TRDN: variants seen among roughly 807,000 people sequenced by gnomAD.
TRDN encodes triadin.
Under a neutral mutation model 149.7 loss-of-function variants are expected in TRDN, and 161 were observed. That is an observed-to-expected ratio of 1.08 (90% CI 0.95 to 1.23). TRDN has a LOEUF of 1.23. Ranked by LOEUF, TRDN falls within the 50% of genes most tolerant of loss-of-function variation. The probability of loss-of-function intolerance (pLI) is 0.00; values close to 1 mark genes in which losing one functional copy is unlikely to be tolerated. For synonymous variants in TRDN, 294 were observed against 250.5 expected (o/e 1.17, Z -1.64); for missense variants, 896 against 823.5 (o/e 1.09, Z -1.08).
chr6:123,361,688 A>C (rs557094165), intron 20 of TRDN, among the ~76,000 whole-genome samples: 16 of 152,208 alleles, frequency 1.1e-4, no homozygotes, highest in African/African-American at 3.9e-4. Context: ...ACTCCCCTGA[A>C]AATTCTGTAT....
rs530053776 is a variant in TRDN, at chr6:123,394,190, A to G, written c.1052-513T>C. On this transcript the variant is annotated intron_variant, in intron 12 of 40. Transcript: ENST00000334268. Reference sequence around the variant, plus strand: ...CTATTAGTGTGGCCCTGGGCAAAATATATCCGAGAGAATGAGCAAGCTTCA... The same window carrying G: ...CTATTAGTGTGGCCCTGGGCAAAATGTATCCGAGAGAATGAGCAAGCTTCA... Among the ~76,000 whole-genome samples the G allele has an allele frequency of 3.3e-5, 5 of 152,216 alleles. No homozygotes were observed. The East Asian group carries it at 9.6e-4, about 29-fold the overall frequency.
chr6:123,459,074 C>T (rs551760578), intron 10 of TRDN, among the ~76,000 whole-genome samples: 19 of 152,202 alleles, frequency 1.2e-4, no homozygotes, highest in Admixed American at 9.8e-4. Flanking sequence ...CCAAGAAATG[C>T]TGTGCCAGGG....
intron 19 of TRDN, among the ~76,000 whole-genome samples, chr6:123,370,265 A>G (rs1337160658): frequency 6.6e-6 from 1 of 152,018 alleles, no homozygotes; most frequent in African/African-American, 2.4e-5. Flanking sequence ...TTATTTTTCT[A>G]TATGGGTTTT....
intron 39 of TRDN, among the ~76,000 whole-genome samples, chr6:123,223,039 CTGTT>C (rs1459434215): frequency 6.6e-6 from 1 of 151,802 alleles, no homozygotes; most frequent in Non-Finnish European, 1.5e-5. Context: ...CACTTGTAGA[CTGTT>C]GGTGGGTGTG....
At chr6:123,498,907 T>C (rs183893806) in intron 8 of TRDN, among the ~76,000 whole-genome samples, 64 of 152,250 alleles carry the variant, frequency 4.2e-4, no homozygotes, top group Non-Finnish European at 7.6e-4. Context: ...TAGGAGTAGT[T>C]CTCAAAGGGC....
intron 20 of TRDN, among the ~76,000 whole-genome samples, chr6:123,364,214 A>G (rs960544730): frequency 2.0e-5 from 3 of 152,196 alleles, no homozygotes; most frequent in African/African-American, 7.2e-5. Context: ...TTTTCTTCTA[A>G]CAATATCCAG....
intron 10 of TRDN, among the ~76,000 whole-genome samples, chr6:123,444,295 G>A (rs1180998928): frequency 2.7e-4 from 31 of 115,712 alleles, no homozygotes; most frequent in East Asian, 9.7e-4. Context: ...GTGAATGGGA[G>A]TTCACTCATG....
At chr6:123,291,204 T>C (rs1777998818) in intron 24 of TRDN, among the ~76,000 whole-genome samples, 1 of 151,968 alleles carries the variant, frequency 6.6e-6, no homozygotes, top group Admixed American at 6.6e-5. Context: ...AAAGAGTAAT[T>C]TTATATGAAG....
intron 10 of TRDN, chr6:123,441,004 A>G (rs1159290553): frequency 6.6e-6 from 1 of 152,132 alleles, no homozygotes; most frequent in Non-Finnish European, 1.5e-5. Flanking sequence ...ATGCAGATTA[A>G]TGTCCTTTAA....
chr6:123,612,242 GA>G (rs35184623), intron 1 of TRDN, among the ~76,000 whole-genome samples: 67 of 94,710 alleles, frequency 7.1e-4, no homozygotes, highest in African/African-American at 2.3e-3. Context: ...TAAAAATACA[GA>G]AAAAAAAAAG....
At position 123,538,251 on chromosome 6, in the gene TRDN, A is replaced by C. The variant is rs1780648937; in HGVS notation, c.425-7686T>G. Among the ~76,000 whole-genome samples, 5 of 152,280 alleles carry C rather than the reference A, an allele frequency of 3.3e-5. No individual in the cohort carries two copies. The South Asian group carries it at 1.0e-3, about 32-fold the overall frequency. ...TATTAAAAAAACAAATTATTTATTC[A>C]CTTAAACATAGAATCTTTATAAGAA... On this transcript the variant is annotated intron_variant, in intron 4 of 40. Coordinates refer to ENST00000334268, the MANE Select transcript of TRDN (RefSeq NM_006073.4).
rs568463044 is a variant in TRDN, at chr6:123,588,258, T to C, written c.23-17126A>G. Among the ~76,000 whole-genome samples the C allele has an allele frequency of 2.6e-5, 4 of 152,300 alleles. No individual in the cohort carries two copies. In the South Asian group the frequency reaches 6.2e-4, roughly 24 times the overall value. On this transcript the variant is annotated intron_variant, in intron 1 of 40. Coordinates refer to ENST00000334268, the MANE Select transcript of TRDN (RefSeq NM_006073.4). ...TGGGGTACAATATTTTTATTTCTTG[T>C]AGGGTCTGCTATCTGTCACATGATG...
At chr6:123,455,608 T>C (rs1321840935) in intron 10 of TRDN, among the ~76,000 whole-genome samples, 2 of 152,208 alleles carry the variant, frequency 1.3e-5, no homozygotes, top group African/African-American at 4.8e-5. Context: ...CATGCACTTA[T>C]CTCTTTAGAT....
intron 9 of TRDN, among the ~76,000 whole-genome samples, chr6:123,480,885 G>T (rs1777719325): frequency 6.6e-6 from 1 of 152,010 alleles, no homozygotes; most frequent in Non-Finnish European, 1.5e-5. Context: ...CTACTAAAAA[G>T]GTTATTGACA....
At chr6:123,449,159 G>C in intron 10 of TRDN, among the ~76,000 whole-genome samples, 1 of 152,026 alleles carries the variant, frequency 6.6e-6, no homozygotes, top group East Asian at 1.9e-4. Context: ...GACAAAACAA[G>C]GCTTCTCAGC....
chr6:123,474,913 C>T (rs111839490), intron 9 of TRDN, among the ~76,000 whole-genome samples: 6,026 of 151,948 alleles, frequency 0.04, 351 homozygotes, highest in African/African-American at 0.12. Flanking sequence ...ATCTCTGGGA[C>T]GCATTCAAAG....
intron 12 of TRDN, among the ~76,000 whole-genome samples, chr6:123,407,019 C>T (rs1310251649): frequency 1.3e-5 from 2 of 151,756 alleles, no homozygotes; most frequent in South Asian, 2.1e-4. Context: ...CTGAGAGGGC[C>T]CAAGCTTAGG....
intron 38 of TRDN, among the ~76,000 whole-genome samples, chr6:123,229,797 A>G (rs1775528469): frequency 6.6e-6 from 1 of 151,964 alleles, no homozygotes; most frequent in African/African-American, 2.4e-5. Context: ...TGTAAAGTCC[A>G]GCCTCAGCAC....
intron 2 of TRDN, among the ~76,000 whole-genome samples, chr6:123,561,005 C>T (rs113912480): frequency 2.0e-5 from 3 of 152,176 alleles, no homozygotes; most frequent in African/African-American, 7.2e-5. Context: ...TGCCCCTGCC[C>T]AGGACTGGCA....
Sources: gnomAD v4.1 joint callset for allele counts (sites outside exome capture counted in the v4.1 genomes callset) on GRCh38, gnomAD v4.1.1 for gene constraint, MANE v1.5 for transcripts, NCBI Gene and HGNC (gene_info 2026-07-23, HGNC 2026-07-21) for gene names.